The following NEGR1 variants were observed in gnomAD, a reference collection of about 807,000 sequenced individuals.
NEGR1 encodes IgLON family member 4.
NEGR1 carries 10 observed loss-of-function variants against 40.9 expected under a neutral mutation model. The observed-to-expected ratio is 0.24, with a 90% CI of 0.15 to 0.42. The LOEUF is 0.42. Among genes scored for constraint, NEGR1 ranks in the 10% least tolerant of loss-of-function variants. NEGR1 has a pLI of 1.00. For missense variants in NEGR1, 352 were observed against 438.9 expected (o/e 0.80, Z 1.77); for synonymous variants, 185 against 166.8 (o/e 1.11, Z -0.84).
At chr1:72,212,285 A>G (rs948550565) in intron 1 of NEGR1, among the ~76,000 whole-genome samples, 2 of 151,986 alleles carry the variant, frequency 1.3e-5, no homozygotes, top group African/African-American at 4.8e-5. Flanking sequence ...AATACTGAAA[A>G]GGTCATATTC....
At chr1:71,827,705 A>G (rs1195123135) in intron 2 of NEGR1, among the ~76,000 whole-genome samples, 1 of 151,956 alleles carries the variant, frequency 6.6e-6, no homozygotes, top group African/African-American at 2.4e-5. Flanking sequence ...TGGGCAACAC[A>G]GAATTTTTGC....
rs561173863 is a variant in NEGR1 at position 71,583,268 on chromosome 1, C to A, written c.940+9549G>T. On this transcript the variant is annotated intron_variant, in intron 6 of 6. Coordinates refer to ENST00000357731, the MANE Select transcript of NEGR1 (RefSeq NM_173808.3). Reference sequence around the variant, plus strand: ...ATTAAGGAGGATGGTAACAAGGAAACGAAAATAATAAATGGAAGATTTATC... The same window carrying A: ...ATTAAGGAGGATGGTAACAAGGAAAAGAAAATAATAAATGGAAGATTTATC... 2.6e-4 allele frequency among the ~76,000 whole-genome samples: 40 copies of A among 152,016 alleles called. No individual in the cohort carries two copies. In the South Asian group the frequency reaches 7.9e-3, roughly 30 times the overall value.
At chr1:71,824,067 T>A (rs141770852) in intron 2 of NEGR1, among the ~76,000 whole-genome samples, 2 of 152,038 alleles carry the variant, frequency 1.3e-5, no homozygotes, top group African/African-American at 2.4e-5. Flanking sequence ...TCCTTAAACA[T>A]AAAATATAAT....
chr1:71,608,321 A>G (rs1157276507), intron 5 of NEGR1, among the ~76,000 whole-genome samples: 1 of 152,140 alleles, frequency 6.6e-6, no homozygotes, highest in Non-Finnish European at 1.5e-5. Context: ...GGGAAAATCA[A>G]TCTACCTTTT....
At chr1:71,534,713 A>T (rs1647460967) in intron 6 of NEGR1, among the ~76,000 whole-genome samples, 1 of 151,692 alleles carries the variant, frequency 6.6e-6, no homozygotes, top group Admixed American at 6.6e-5. Context: ...CAATTATTAT[A>T]TTCACAAATA....
intron 1 of NEGR1, among the ~76,000 whole-genome samples, chr1:72,080,224 A>T (rs1647936946): frequency 6.6e-6 from 1 of 152,100 alleles, no homozygotes. Flanking sequence ...AGTTTAAATA[A>T]ATATTTCATA....
chr1:71,747,588 C>A (rs1198722359), intron 3 of NEGR1, among the ~76,000 whole-genome samples: 1 of 152,066 alleles, frequency 6.6e-6, no homozygotes, highest in Non-Finnish European at 1.5e-5. Flanking sequence ...CAACACCCTG[C>A]TAATTTCTGT....
At chr1:72,163,764 A>AGATAGATAGATT (rs3080237) in intron 1 of NEGR1, among the ~76,000 whole-genome samples, 45,825 of 143,848 alleles carry the variant, frequency 0.32, 9,098 homozygotes, top group East Asian at 0.41. Flanking sequence ...ATAGATAGAT[A>AGATAGATAGATT]TAGATTTAGA....
chr1:71,508,500 G>T (rs903124316), intron 6 of NEGR1, among the ~76,000 whole-genome samples: 2 of 152,200 alleles, frequency 1.3e-5, no homozygotes, highest in African/African-American at 4.8e-5. Flanking sequence ...ACTGGCAGGG[G>T]ACTCCTCCCT....
chr1:71,881,486 T>C lies in NEGR1; in HGVS notation c.409+53593A>G, dbSNP rs17091882. The stretch of plus-strand genomic sequence containing the variant: ...TCAATTAGGCTTTTGCACAGATTTC[T>C]ACATCTACATTTTCCTAACTTATCT... On this transcript the variant is annotated intron_variant, in intron 2 of 6. Transcript: ENST00000357731. Among the ~76,000 whole-genome samples the C allele has an allele frequency of 3.9e-3, 594 of 152,212 alleles. 2 individuals are homozygous for C. The highest frequency in any genetic ancestry group is 0.014 in the African/African-American group (564 of 41,568).
intron 6 of NEGR1, among the ~76,000 whole-genome samples, chr1:71,479,709 T>C (rs1030413301): frequency 2.0e-5 from 3 of 152,002 alleles, no homozygotes; most frequent in Non-Finnish European, 2.9e-5. Flanking sequence ...AAATCTTTAT[T>C]TATAGGTATT....
intron 1 of NEGR1, among the ~76,000 whole-genome samples, chr1:71,957,479 A>G (rs988798340): frequency 6.6e-5 from 10 of 152,126 alleles, no homozygotes; most frequent in Non-Finnish European, 1.3e-4. Context: ...GATAAATAAA[A>G]ACCAATATTA....
chr1:71,691,770 GA>G (rs987674243), intron 4 of NEGR1, among the ~76,000 whole-genome samples: 5 of 151,360 alleles, frequency 3.3e-5, no homozygotes, highest in African/African-American at 1.2e-4. Context: ...GTCTTGATCT[GA>G]CCCAGCCCTT....
At chr1:72,042,308 A>T (rs1192608313) in intron 1 of NEGR1, among the ~76,000 whole-genome samples, 1 of 151,778 alleles carries the variant, frequency 6.6e-6, no homozygotes, top group African/African-American at 2.4e-5. Flanking sequence ...CCAGCCTGGG[A>T]TGACTCAGAG....
At chr1:72,004,326 TGA>T (rs1277557654) in intron 1 of NEGR1, among the ~76,000 whole-genome samples, 3 of 152,154 alleles carry the variant, frequency 2.0e-5, no homozygotes, top group Admixed American at 2.0e-4. Context: ...TGTTTTGTTT[TGA>T]GAGAGTTTCC....
chr1:72,137,323 TA>T (rs1306104960), intron 1 of NEGR1, among the ~76,000 whole-genome samples: 1 of 152,060 alleles, frequency 6.6e-6, no homozygotes, highest in Non-Finnish European at 1.5e-5. Context: ...CTGTTCACAA[TA>T]GAAAAGTCTT....
chr1:71,565,799 T>C (rs1358399679), intron 6 of NEGR1, among the ~76,000 whole-genome samples: 3 of 152,200 alleles, frequency 2.0e-5, no homozygotes, highest in Non-Finnish European at 4.4e-5. Context: ...TTAGGAACAA[T>C]TTCAATAGGA....
chr1:71,740,171 G>A (rs1022007958), intron 3 of NEGR1, among the ~76,000 whole-genome samples: 1 of 152,064 alleles, frequency 6.6e-6, no homozygotes, highest in African/African-American at 2.4e-5. Context: ...ATATCCTTAT[G>A]TTCCTAATAT....
At chr1:71,449,211 G>C (rs1242666759) in intron 6 of NEGR1, among the ~76,000 whole-genome samples, 1 of 152,168 alleles carries the variant, frequency 6.6e-6, no homozygotes, top group Admixed American at 6.5e-5. Context: ...TAGTGCAAAA[G>C]TTCAATCATT....
Sources: gnomAD v4.1 joint callset for allele counts (sites outside exome capture counted in the v4.1 genomes callset) on GRCh38, gnomAD v4.1.1 for gene constraint, MANE v1.5 for transcripts, NCBI Gene and HGNC (gene_info 2026-07-23, HGNC 2026-07-21) for gene names.